Variants in ABCB9 observed in about 807,000 individuals in gnomAD.
The protein encoded by ABCB9 is ABC-type oligopeptide transporter ABCB9.
A neutral mutation model predicts 62.0 loss-of-function variants in ABCB9; 36 were observed. The ratio of observed to expected loss-of-function variants is 0.58; its 90% CI spans 0.45 to 0.77. ABCB9 has a LOEUF of 0.77. ABCB9 is among the 30% of genes least tolerant of loss of function. The pLI, the probability that ABCB9 is intolerant of heterozygous loss-of-function variation, is 0.00. For missense variants in ABCB9, 943 were observed against 1,054.7 expected (o/e 0.89, Z 1.47); for synonymous variants, 435 against 461.4 (o/e 0.94, Z 0.73).
chr12:122,958,169 CAAAA>C (rs34917345), intron 2 of ABCB9, among the ~76,000 whole-genome samples: 3,672 of 72,162 alleles, frequency 0.051, 60 homozygotes, highest in Admixed American at 0.07. Context: ...GACTCCATCT[CAAAA>C]AAAAAAAAAA....
chr12:122,937,473 GAAAACAC>G (rs2035520725), intron 9 of ABCB9, among the ~76,000 whole-genome samples: 1 of 152,146 alleles, frequency 6.6e-6, no homozygotes, highest in African/African-American at 2.4e-5. Context: ...CAGTCATCAG[GAAAACAC>G]AAAAGACCAC....
chr12:122,933,411 G>A (rs7295258), intron 10 of ABCB9, among the ~76,000 whole-genome samples: 5,237 of 152,116 alleles, frequency 0.034, 294 homozygotes, highest in African/African-American at 0.12. Flanking sequence ...AAAATTAGCC[G>A]GGTATGGTGG....
intron 2 of ABCB9, among the ~76,000 whole-genome samples, chr12:122,954,208 A>G (rs915671875): frequency 1.3e-5 from 2 of 150,576 alleles, no homozygotes; most frequent in African/African-American, 4.9e-5. Context: ...TTTTTTATGT[A>G]TTTTTTTTAT....
chr12:122,930,027 C>T lies in ABCB9; in HGVS notation c.2185G>A (p.Ala729Thr). 1 of 1,573,398 alleles carries T rather than the reference C, an allele frequency of 6.4e-7. No homozygotes were observed. The highest frequency in any genetic ancestry group is 1.2e-5 in the South Asian group (1 of 86,030). Residue 729 changes from alanine to threonine, a missense_variant, in exon 12 of 12, where the codon GCC becomes ACC. By Grantham distance (58) the Ala-to-Thr change is moderately conservative. Transcript: ENST00000280560. The surrounding 1 kb of genome is among the most constrained non-coding windows in gnomAD (Gnocchi z 4.9). ...AGCTTGGCGTAGAGGCCGCCCTGGG[C>T]CAGCAGCTGCTGGTGGGTGCCCTGC... Reference protein sequence around the residue: ...VQQGTHQQLLAQGGLYAKLVQ... With the variant: ...VQQGTHQQLLTQGGLYAKLVQ...
chr12:122,959,813 C>T lies in ABCB9; in HGVS notation c.423G>A (p.Arg141=). The part of the protein sequence containing the change: ...FLLWWLLSTV[R]PGTQALEPGA... The stretch of plus-strand genomic sequence containing the variant: ...CTGGCTCCAGGGCCTGGGTGCCTGG[C>T]CGCACGGTGGACAGCAGCCACCAGA... Residue 141 remains arginine, a synonymous_variant, in exon 2 of 12, where the codon CGG becomes CGA. Coordinates refer to ENST00000280560, the MANE Select transcript of ABCB9 (RefSeq NM_019625.4). The surrounding 1 kb of genome is among the most constrained non-coding windows in gnomAD (Gnocchi z 5.4). 6.2e-7 allele frequency: 1 copy of T among 1,612,580 alleles called. No individual in the cohort carries two copies.
At chr12:122,968,543 A>T (rs992488412), upstream of ABCB9, among the ~76,000 whole-genome samples, 3 of 152,216 alleles carry the variant, frequency 2.0e-5, no homozygotes, top group Non-Finnish European at 4.4e-5. Flanking sequence ...ACGGACAGAA[A>T]CAATTCGGCC....
At position 122,929,488 on chromosome 12, in the gene ABCB9, C is replaced by T; in HGVS notation, c.*423G>A. On this transcript the variant is annotated 3_prime_UTR_variant, in exon 12 of 12. Transcript: ENST00000280560. This position sits in a 1 kb window ranked among gnomAD's most constrained non-coding sequence, Gnocchi z 6.0. The stretch of plus-strand genomic sequence containing the variant: ...GAGAGGCCTAGTCTCTGGACATCCC[C>T]CAGGCTACTAAGGAAGGGCCATTCA... 1 of 994,508 alleles carries T rather than the reference C, an allele frequency of 1.0e-6. No individual in the cohort carries two copies. Among genetic ancestry groups the T allele is most frequent in the Non-Finnish European group, 1.2e-6 (1 of 836,004 alleles). The allele number at this position is 994,508 out of a possible 1,614,324, so 61.6% of individuals were successfully genotyped here.
At chr12:122,937,717 T>C (rs1286899538) in intron 9 of ABCB9, among the ~76,000 whole-genome samples, 1 of 152,208 alleles carries the variant, frequency 6.6e-6, no homozygotes, top group Admixed American at 6.5e-5. Context: ...TCACAACCCA[T>C]GGCCCTCACC....
At chr12:122,921,162 C>G in intron 11 of ABCB9, 1 of 1,017,262 alleles carries the variant, frequency 9.8e-7, no homozygotes, top group South Asian at 1.4e-5. Context: ...CACCTGTAAT[C>G]CCAGCACTTT....
At chr12:122,970,161 C>T (rs1337025992), upstream of ABCB9, among the ~76,000 whole-genome samples, 1 of 152,192 alleles carries the variant, frequency 6.6e-6, no homozygotes, top group Non-Finnish European at 1.5e-5. Context: ...CTCACTGCAA[C>T]CTCCGCCTCC....
intron 11 of ABCB9, among the ~76,000 whole-genome samples, chr12:122,921,975 G>A (rs1204949784): frequency 1.3e-5 from 2 of 152,136 alleles, no homozygotes; most frequent in East Asian, 3.9e-4. Flanking sequence ...AGAATGCCAG[G>A]CCCCTGTTTC....
At chr12:122,927,333 G>A (rs139391412), downstream of ABCB9, among the ~76,000 whole-genome samples, 12 of 152,108 alleles carry the variant, frequency 7.9e-5, no homozygotes, top group East Asian at 1.9e-3. Context: ...CAACACGCCC[G>A]GCTAATTTTT....
In ABCB9 at chr12:122,940,344, C is replaced by T; in HGVS notation, c.1570-60G>A. The T allele has an allele frequency of 2.0e-6, 3 of 1,508,614 alleles. No individual in the cohort carries two copies. Among genetic ancestry groups the T allele is most frequent in the South Asian group, 1.3e-5 (1 of 74,694 alleles). The allele number at this position is 1,508,614 out of a possible 1,614,324, so 93.5% of individuals were successfully genotyped here. On this transcript the variant is annotated intron_variant, in intron 8 of 11. Coordinates refer to ENST00000280560, the MANE Select transcript of ABCB9 (RefSeq NM_019625.4). The surrounding 1 kb of genome is among the most constrained non-coding windows in gnomAD (Gnocchi z 4.8). ...CGGCTCAGGTCCCAGGACTGGATGC[C>T]CTGACCTTGGACACAGGTGGGTGCC... is the stretch of plus-strand genomic sequence containing the variant.
intron 6 of ABCB9, among the ~76,000 whole-genome samples, chr12:122,945,130 G>A (rs770505798): frequency 2.6e-5 from 4 of 152,304 alleles, no homozygotes; most frequent in South Asian, 2.1e-4. Flanking sequence ...GCCAGCAGAC[G>A]GATTGCTAAG....
In ABCB9 at chr12:122,932,210, A is replaced by T; in HGVS notation, c.2022T>A (p.Asp674Glu). 1 of 1,552,848 alleles carries T rather than the reference A, an allele frequency of 6.4e-7. No individual in the cohort carries two copies. The highest frequency in any genetic ancestry group is 8.7e-7 in the Non-Finnish European group (1 of 1,147,938). The change falls in exon 11 of 12, where the codon GAT becomes GAA. Residue 674 changes from aspartate (D) to glutamate (E), a missense_variant. By Grantham distance (45) the Asp-to-Glu change is conservative. Transcript: ENST00000280560. This position sits in a 1 kb window ranked among gnomAD's most constrained non-coding sequence, Gnocchi z 4.7. ...LILDEATSAL[D>E]AESEYLIQQA... ...GACTCACCAGATACTCGCTCTCGGC[A>T]TCCAAAGCGCTGGTGGCTTCATCCA... is the stretch of plus-strand genomic sequence containing the variant.
At chr12:122,949,305 C>T (rs2036225825) in intron 4 of ABCB9, 1 of 174,558 alleles carries the variant, frequency 5.7e-6, no homozygotes, top group Admixed American at 5.5e-5. Flanking sequence ...TCCCATTTTA[C>T]AGACAAGAAA....
downstream of ABCB9, among the ~76,000 whole-genome samples, chr12:122,925,661 T>C (rs1387036721): frequency 6.6e-6 from 1 of 151,988 alleles, no homozygotes; most frequent in African/African-American, 2.4e-5. Flanking sequence ...GGCAGGAGAA[T>C]GGCATGAACC....
At chr12:122,953,646 A>G (rs1391141132) in intron 2 of ABCB9, among the ~76,000 whole-genome samples, 1 of 152,076 alleles carries the variant, frequency 6.6e-6, no homozygotes, top group African/African-American at 2.4e-5. Context: ...TTGGCCTCCC[A>G]AAGTGCTGGG....
intron 1 of ABCB9, among the ~76,000 whole-genome samples, chr12:122,974,295 T>C (rs984582252): frequency 2.6e-5 from 4 of 152,106 alleles, no homozygotes; most frequent in African/African-American, 7.2e-5. Context: ...AAGACGACTG[T>C]AAAACGTTAA....
Sources: allele counts gnomAD v4.1 joint callset (sites outside exome capture counted in the v4.1 genomes callset), GRCh38; gene constraint gnomAD v4.1.1; non-coding constraint Gnocchi (gnomAD v3.1); transcripts MANE v1.5; gene names NCBI Gene and HGNC (gene_info 2026-07-23, HGNC 2026-07-21).